Variants in TTC16 observed in about 807,000 individuals in gnomAD.
TTC16 encodes tetratricopeptide repeat domain 16, also known as tetratricopeptide repeat protein 16.
TTC16 carries 66 observed loss-of-function variants against 80.4 expected under a neutral mutation model. That is an observed-to-expected ratio of 0.82 (90% CI 0.67 to 1.01). The LOEUF is 1.01. Ranked by LOEUF, TTC16 falls within the 50% of genes least tolerant of loss-of-function variation. TTC16 has a pLI of 0.00. For synonymous variants in TTC16, 438 were observed against 451.3 expected (o/e 0.97, Z 0.37); for missense variants, 1,070 against 1,103.2 (o/e 0.97, Z 0.43).
intron 9 of TTC16, among the ~76,000 whole-genome samples, chr9:127,725,897 G>A (rs1843916256): frequency 6.6e-6 from 1 of 152,166 alleles, no homozygotes; most frequent in Non-Finnish European, 1.5e-5. Context: ...ACCATGCCCG[G>A]CCTATACTGC....
At position 127,726,316 on chromosome 9, in the gene TTC16, G is replaced by A. The variant is rs751680780; in HGVS notation, c.1337G>A (p.Arg446Gln). The A allele has an allele frequency of 2.0e-5, 32 of 1,611,986 alleles. No individual in the cohort carries two copies. Among genetic ancestry groups the A allele is most frequent in the Admixed American group, 6.7e-5 (4 of 59,894 alleles). ...NPQKAQYYLYRAKSRQLLQNI... is the reference protein window; with the variant it reads ...NPQKAQYYLYQAKSRQLLQNI... ...CAGAAGGCCCAGTACTACCTGTACC[G>A]GGCCAAGAGCCGGCAGCTGCTGCAG... is the stretch of plus-strand genomic sequence containing the variant. Residue 446 changes from arginine to glutamine, a missense_variant, in exon 10 of 14, where the codon CGG becomes CAG. Coordinates refer to ENST00000373289, the MANE Select transcript of TTC16 (RefSeq NM_144965.3).
chr9:127,729,773 GC>G, intron 13 of TTC16, 105 bp downstream of exon 13: 3 of 1,031,308 alleles, frequency 2.9e-6, no homozygotes, highest in Non-Finnish European at 4.4e-6. Flanking sequence ...CGGCCCCGCT[GC>G]TGACAGCTGG....
At chr9:127,729,330 GA>G (rs1844204747) in intron 12 of TTC16, 2 of 455,408 alleles carry the variant, frequency 4.4e-6, no homozygotes, top group African/African-American at 2.0e-5. Flanking sequence ...TTTTGCAGTT[GA>G]AAAAAACCAA....
chr9:127,724,327 C>G lies in TTC16; in HGVS notation c.1080C>G (p.Asp360Glu), dbSNP rs778597218. 1 of 1,612,668 alleles carries G rather than the reference C, an allele frequency of 6.2e-7. No individual in the cohort carries two copies. The highest frequency in any genetic ancestry group is 8.5e-7 in the Non-Finnish European group (1 of 1,179,856). The part of the protein sequence containing the change: ...GVLLLNKALR[D>E]EQQEKGLYIN... ...TGCTGCTGAACAAGGCCCTCCGGGA[C>G]GAGCAGCAGGAGAAAGGACTCTACA... Residue 360 changes from aspartate to glutamate, a missense_variant, in exon 8 of 14, where the codon GAC becomes GAG. Physicochemically the swap from Asp to Glu is conservative, Grantham distance 45 (BLOSUM62 2). Transcript: ENST00000373289.
At chr9:127,720,489 C>G in intron 6 of TTC16, 94 bp downstream of exon 6, 1 of 1,510,588 alleles carries the variant, frequency 6.6e-7, no homozygotes, top group Non-Finnish European at 9.0e-7. Context: ...TGTCAGCCAG[C>G]CCAGAAGCCC....
At chr9:127,717,137 T>C (rs779034233) in intron 2 of TTC16, 121 bp downstream of exon 2, 1 of 1,357,340 alleles carries the variant, frequency 7.4e-7, no homozygotes, top group East Asian at 2.4e-5. Context: ...CTAATGGGGC[T>C]CTTCCACCTC....
rs141278496 is a variant in TTC16, at chr9:127,723,223, G to C, written c.762G>C (p.Ala254=). The C allele has an allele frequency of 6.2e-7, 1 of 1,612,866 alleles. No individual in the cohort carries two copies. The highest frequency in any genetic ancestry group is 1.1e-5 in the South Asian group (1 of 91,086). ...LQKMVAQAQQ[A]RQDAGILAVQ... is the part of the protein sequence containing the mutation. ...AGATGGTGGCCCAGGCCCAGCAGGC[G>C]CGCCAAGATGCGGGGATCCTGGCTG... Residue 254 remains alanine (A), a synonymous_variant, in exon 7 of 14, where the codon GCG becomes GCC. Transcript: ENST00000373289.
chr9:127,719,437 C>T (rs1214117350), intron 4 of TTC16, among the ~76,000 whole-genome samples: 1 of 152,168 alleles, frequency 6.6e-6, no homozygotes, highest in African/African-American at 2.4e-5. Flanking sequence ...ACCCAGGGCC[C>T]AGGTCCAGGC....
intron 1 of TTC16, chr9:127,716,572 G>C (rs1249305616): frequency 1.8e-6 from 1 of 555,492 alleles, no homozygotes; most frequent in African/African-American, 1.9e-5. Flanking sequence ...AGCTGGGAAG[G>C]CCCTGGGGGA....
chr9:127,717,178 C>G, intron 2 of TTC16, 156 bp from the exon 3 acceptor site: 1 of 1,201,084 alleles, frequency 8.3e-7, no homozygotes, highest in Non-Finnish European at 1.2e-6. Flanking sequence ...CCTGGCTGGA[C>G]TCCAGGAACA....
rs746250639 is a variant in TTC16 at position 127,724,274 on chromosome 9, AG to A, written c.1029del (p.Arg343SerfsTer12). The A allele has an allele frequency of 3.6e-5, 58 of 1,613,062 alleles. No individual in the cohort carries two copies. The African/African-American group carries it at 6.4e-4, about 18-fold the overall frequency. ...TYNDFAVHCY[R>X]QGAYQEGVLL... Reference sequence around the variant, plus strand: ...CAACGACTTTGCCGTGCACTGCTACAGGCAGGGCGCCTACCAGGAGGGCGTG... The same window carrying A: ...CAACGACTTTGCCGTGCACTGCTACAGCAGGGCGCCTACCAGGAGGGCGTG... On this transcript the variant is annotated frameshift_variant, in exon 8 of 14. Coordinates refer to ENST00000373289, the MANE Select transcript of TTC16 (RefSeq NM_144965.3). LOFTEE classifies it high-confidence loss of function.
chr9:127,717,816 C>T, intron 4 of TTC16, 44 bp downstream of exon 4: 2 of 1,586,212 alleles, frequency 1.3e-6, no homozygotes, highest in Non-Finnish European at 1.7e-6. Flanking sequence ...CCACCTCACA[C>T]TTCTCAGGGG....
At position 127,731,111 on chromosome 9, in the gene TTC16, G is replaced by C. The variant is rs766089413; in HGVS notation, c.2328G>C (p.Lys776Asn). The part of the protein sequence containing the change: ...RSPRQRPRKV[K>N]AARGRSWRPS... Reference sequence around the variant, plus strand: ...CAAGGCAGAGGCCCAGAAAGGTCAAGGCTGCTCGTGGCCGGAGCTGGAGAC... The same window carrying C: ...CAAGGCAGAGGCCCAGAAAGGTCAACGCTGCTCGTGGCCGGAGCTGGAGAC... The change falls in exon 14 of 14, where the codon AAG becomes AAC. Residue 776 changes from lysine to asparagine, a missense_variant. Coordinates refer to ENST00000373289, the MANE Select transcript of TTC16 (RefSeq NM_144965.3). 19 of 1,611,538 alleles carry C rather than the reference G, an allele frequency of 1.2e-5. No homozygotes were observed. The highest frequency in any genetic ancestry group is 1.5e-5 in the Non-Finnish European group (18 of 1,179,394).
rs1843348546 is a variant in TTC16 at position 127,720,322 on chromosome 9, A to G, written c.584A>G (p.Asn195Ser). The G allele has an allele frequency of 3.7e-6, 6 of 1,611,686 alleles. No individual in the cohort carries two copies. Among genetic ancestry groups the G allele is most frequent in the Non-Finnish European group, 5.1e-6 (6 of 1,179,128 alleles). The change falls in exon 6 of 14, where the codon AAC becomes AGC. Residue 195 changes from asparagine to serine, a missense_variant. Transcript: ENST00000373289. ...CAGGCCTGCCTCACGCTCATCACCA[A>G]CGAGCTGAAGCAGGACACCACCAAC... ...QHQACLTLIT[N>S]ELKQDTTNAD...
rs886891803 is a variant in TTC16, at chr9:127,727,471, T to C, written c.1764+6T>C. 1 of 1,558,526 alleles carries C rather than the reference T, an allele frequency of 6.4e-7. No homozygotes were observed. The highest frequency in any genetic ancestry group is 8.7e-7 in the Non-Finnish European group (1 of 1,151,362). On this transcript the variant is annotated splice_donor_region_variant and intron_variant, in intron 12 of 13. Transcript: ENST00000373289. ...AGGAGAAGGAGAAAAAAGAGGTAAG[T>C]GGAGTACAGGCCAGGGCTCGGAGCC...
chr9:127,725,000 C>T (rs1843818768), intron 9 of TTC16, 103 bp downstream of exon 9: 2 of 1,359,532 alleles, frequency 1.5e-6, no homozygotes, highest in Non-Finnish European at 1.9e-6. Flanking sequence ...TGCTTCTCTC[C>T]TCGGGGGCGA....
chr9:127,724,019 G>A, intron 7 of TTC16, 101 bp from the exon 8 acceptor site: 1 of 1,430,472 alleles, frequency 7.0e-7, no homozygotes, highest in South Asian at 1.5e-5. Context: ...CATGGGTCAG[G>A]AGGCCCAGAG....
chr9:127,719,996 G>A, intron 4 of TTC16, 82 bp from the exon 5 acceptor site: 1 of 1,217,774 alleles, frequency 8.2e-7, no homozygotes, highest in Non-Finnish European at 1.2e-6. Context: ...TCTCCCTCCT[G>A]CCTCAGGGCT....
chr9:127,731,327 C>G lies in TTC16; in HGVS notation c.2544C>G (p.Ala848=). The part of the protein sequence containing the change: ...SQGMSSTSSK[A]ESTWGPSPSL... ...GCATGAGCTCAACTTCCAGCAAGGC[C>G]GAGTCCACCTGGGGACCCAGCCCAA... Residue 848 remains alanine, a synonymous_variant, in exon 14 of 14, where the codon GCC becomes GCG. Transcript: ENST00000373289. 1 of 1,613,062 alleles carries G rather than the reference C, an allele frequency of 6.2e-7. No individual in the cohort carries two copies. The highest frequency in any genetic ancestry group is 8.5e-7 in the Non-Finnish European group (1 of 1,180,030).
Sources: allele counts gnomAD v4.1 joint callset (sites outside exome capture counted in the v4.1 genomes callset), GRCh38; gene constraint gnomAD v4.1.1; transcripts MANE v1.5; gene names NCBI Gene and HGNC (gene_info 2026-07-23, HGNC 2026-07-21).